The following CAMK2A variants were observed in gnomAD, a reference collection of about 807,000 sequenced individuals.
CAMK2A encodes the protein calcium/calmodulin-dependent protein kinase type II subunit alpha.
CAMK2A carries 7 observed loss-of-function variants against 79.2 expected under a neutral mutation model. That is an observed-to-expected ratio of 0.09 (90% confidence interval 0.05 to 0.17). CAMK2A has a LOEUF of 0.17. Among genes scored for constraint, CAMK2A ranks in the 10% least tolerant of loss-of-function variants. CAMK2A has a pLI of 1.00. For missense variants in CAMK2A, 214 were observed against 646.4 expected (o/e 0.33, Z 7.25); for synonymous variants, 242 against 251.7 (o/e 0.96, Z 0.36).
Position 150,223,890 on chromosome 5 carries a change from A to G in CAMK2A, c.1238-673T>C, listed in dbSNP as rs976235872. 3.3e-5 allele frequency among the ~76,000 whole-genome samples: 5 copies of G among 152,390 alleles called. No homozygotes were observed. Among genetic ancestry groups the G allele is most frequent in the Admixed American group, 3.3e-4 (5 of 15,314 alleles). Reference sequence around the variant, plus strand: ...GCCAAGTGAAACATATCTACAGTTCAGACACGGCCCGTGGGCCTGTCTGAA... The same window carrying G: ...GCCAAGTGAAACATATCTACAGTTCGGACACGGCCCGTGGGCCTGTCTGAA... On this transcript the variant is annotated intron_variant, in intron 17 of 18. Transcript: ENST00000671881. The surrounding 1 kb of genome is among the most constrained non-coding windows in gnomAD (Gnocchi z 4.1).
At chr5:150,274,347 A>G (rs1409009322) in intron 1 of CAMK2A, among the ~76,000 whole-genome samples, 1 of 152,210 alleles carries the variant, frequency 6.6e-6, no homozygotes. Context: ...TTTTTCAGGA[A>G]AAGCTACAAG....
intron 1 of CAMK2A, among the ~76,000 whole-genome samples, chr5:150,274,722 T>C (rs562829740): frequency 2.1e-4 from 32 of 152,004 alleles, no homozygotes; most frequent in Non-Finnish European, 4.4e-4. Flanking sequence ...TCAGTGTAGA[T>C]TGCCCAAGGT....
Position 150,219,939 on chromosome 5 carries a change from A to G in CAMK2A, c.*2771T>C, listed in dbSNP as rs1422698739. Reference sequence around the variant, plus strand: ...GGAGGAGCACAGAGTTTGTCTGGTGAGGGTAGGCTCTGGGCAGATTTTTCT... The same window carrying G: ...GGAGGAGCACAGAGTTTGTCTGGTGGGGGTAGGCTCTGGGCAGATTTTTCT... On this transcript the variant is annotated 3_prime_UTR_variant, in exon 19 of 19. Coordinates refer to ENST00000671881, the MANE Select transcript of CAMK2A (RefSeq NM_015981.4). The G allele has an allele frequency of 6.6e-6, 1 of 152,442 alleles. No homozygotes were observed. Among genetic ancestry groups the G allele is most frequent in the Non-Finnish European group, 1.5e-5 (1 of 68,002 alleles). 9.4% of individuals were successfully genotyped at this position (152,442 alleles called of 1,614,324 possible). A position where few individuals can be genotyped will look rare whatever the true frequency, so the allele number is the denominator to read the frequency against.
In CAMK2A at chr5:150,221,706, T is replaced by C; in HGVS notation, c.*1004A>G. On this transcript the variant is annotated 3_prime_UTR_variant, in exon 19 of 19. Transcript: ENST00000671881. The stretch of plus-strand genomic sequence containing the variant: ...CTTCTCCCCGGAGCTGAGTCCACCT[T>C]GGCCCCAATAACCACAGGTGACAAG... 2 of 392,966 alleles carry C rather than the reference T, an allele frequency of 5.1e-6. No individual in the cohort carries two copies. The highest frequency in any genetic ancestry group is 8.9e-6 in the Non-Finnish European group (2 of 224,572). The allele number at this position is 392,966 out of a possible 1,614,324, so 24.3% of individuals were successfully genotyped here.
chr5:150,233,632 A>G (rs1482823221), intron 15 of CAMK2A, among the ~76,000 whole-genome samples: 1 of 152,134 alleles, frequency 6.6e-6, no homozygotes, highest in Admixed American at 6.5e-5. Context: ...CTGGACTGCT[A>G]TCTTCATCCT....
At chr5:150,283,271 A>C (rs1026360222) in intron 1 of CAMK2A, among the ~76,000 whole-genome samples, 4 of 152,198 alleles carry the variant, frequency 2.6e-5, no homozygotes, top group Admixed American at 1.3e-4. Context: ...GACATGCTCC[A>C]CTGAAATACA....
intron 17 of CAMK2A, among the ~76,000 whole-genome samples, chr5:150,227,730 C>G (rs1754665633): frequency 6.6e-6 from 1 of 152,200 alleles, no homozygotes; most frequent in Non-Finnish European, 1.5e-5. Flanking sequence ...CTGTCCTCCT[C>G]TTTCCCAAAC....
rs577782059 is a variant in CAMK2A, at chr5:150,246,126, CA to C, written c.944-926del. ...TGAGAGGGGGAGTTGGGAGGAGGGT[CA>C]TATGAGCCACTGATGCCCCAGGGGC... On this transcript the variant is annotated intron_variant, in intron 12 of 18. Coordinates refer to ENST00000671881, the MANE Select transcript of CAMK2A (RefSeq NM_015981.4). Among the ~76,000 whole-genome samples the C allele has an allele frequency of 3.6e-4, 55 of 152,334 alleles. 1 individual carries two copies. In the East Asian group the frequency reaches 0.01, roughly 28 times the overall value.
At chr5:150,247,924 GAGA>G (rs1241564444) in intron 11 of CAMK2A, 110 bp from the exon 12 acceptor site, 4 of 873,748 alleles carry the variant, frequency 4.6e-6, no homozygotes, top group African/African-American at 3.3e-5. Flanking sequence ...GCTGCATTCA[GAGA>G]AGAAGCCAAA....
intron 2 of CAMK2A, among the ~76,000 whole-genome samples, chr5:150,272,244 G>A (rs1436326083): frequency 6.6e-6 from 1 of 152,102 alleles, no homozygotes; most frequent in Non-Finnish European, 1.5e-5. Flanking sequence ...GTCAGGGAAA[G>A]CCATAAAGGA....
At chr5:150,227,065 C>T (rs2114019287) in intron 17 of CAMK2A, among the ~76,000 whole-genome samples, 1 of 152,140 alleles carries the variant, frequency 6.6e-6, no homozygotes, top group South Asian at 2.1e-4. Flanking sequence ...AGCCACCGCG[C>T]CCGGCTATAG....
At chr5:150,282,590 C>A (rs762860208) in intron 1 of CAMK2A, among the ~76,000 whole-genome samples, 8 of 152,240 alleles carry the variant, frequency 5.3e-5, no homozygotes, top group Non-Finnish European at 1.2e-4. Flanking sequence ...TGGACAGACA[C>A]TGGAGTGTCC....
At chr5:150,264,550 T>TA (rs1756427013) in intron 3 of CAMK2A, among the ~76,000 whole-genome samples, 1 of 152,132 alleles carries the variant, frequency 6.6e-6, no homozygotes, top group Non-Finnish European at 1.5e-5. Flanking sequence ...CTTGACCCTG[T>TA]AGGCAGGCAG....
At chr5:150,242,521 G>A (rs1381253964) in intron 13 of CAMK2A, among the ~76,000 whole-genome samples, 2 of 152,208 alleles carry the variant, frequency 1.3e-5, no homozygotes, top group African/African-American at 4.8e-5. Flanking sequence ...AGCGGTAGGA[G>A]GAATGTGTGC....
At chr5:150,241,630 T>C (rs1755345425) in intron 13 of CAMK2A, among the ~76,000 whole-genome samples, 1 of 140,464 alleles carries the variant, frequency 7.1e-6, no homozygotes, top group South Asian at 2.4e-4. Flanking sequence ...TCTCCTCTCC[T>C]CCCCTCTCCT....
intron 11 of CAMK2A, among the ~76,000 whole-genome samples, chr5:150,248,604 C>G (rs1200686253): frequency 6.6e-6 from 1 of 150,690 alleles, no homozygotes; most frequent in Admixed American, 6.6e-5. Flanking sequence ...TTTGTCCTTG[C>G]GATAGTTTGC....
rs748592274 is a variant in CAMK2A, at chr5:150,252,013, C to A, written c.567G>T (p.Pro189=). 7.4e-6 allele frequency: 12 copies of A among 1,613,936 alleles called. No homozygotes were observed. Among genetic ancestry groups the A allele is most frequent in the Non-Finnish European group, 8.5e-7 (1 of 1,179,864 alleles). The change falls in exon 8 of 19, where the codon CCG becomes CCT. Residue 189 remains proline, a synonymous_variant. Coordinates refer to ENST00000671881, the MANE Select transcript of CAMK2A (RefSeq NM_015981.4). The stretch of plus-strand genomic sequence containing the variant: ...CCCACAGGTCCACAGGCTTCCCGTA[C>A]GGGTCCTTCCGCAGCACTTCTGGGG... The part of the protein sequence containing the change: ...YLSPEVLRKD[P]YGKPVDLWAC...
intron 11 of CAMK2A, among the ~76,000 whole-genome samples, chr5:150,248,299 T>C (rs559466113): frequency 8.2e-5 from 11 of 134,036 alleles, no homozygotes; most frequent in African/African-American, 3.0e-4. Context: ...GATTTTCTCT[T>C]TTTTTTTTTT....
chr5:150,243,839 A>T (rs1158090724), intron 13 of CAMK2A, among the ~76,000 whole-genome samples: 1 of 152,204 alleles, frequency 6.6e-6, no homozygotes, highest in Non-Finnish European at 1.5e-5. Context: ...GCCGAGGTCC[A>T]GCTGCAGGCA....
Sources: gnomAD v4.1 joint callset for allele counts (sites outside exome capture counted in the v4.1 genomes callset) on GRCh38, gnomAD v4.1.1 for gene constraint, Gnocchi (gnomAD v3.1) non-coding constraint, MANE v1.5 for transcripts, NCBI Gene and HGNC (gene_info 2026-07-23, HGNC 2026-07-21) for gene names.